Variants in FDFT1 observed in about 807,000 individuals in gnomAD.
FDFT1 encodes farnesyl-diphosphate farnesyltransferase 1.
In FDFT1, 68 loss-of-function variants were observed where a neutral mutation model predicts 46.8. The observed-to-expected ratio is 1.45, with a 90% CI of 1.19 to 1.78. The LOEUF (loss-of-function observed/expected upper bound fraction) is 1.78. Ranked by LOEUF, FDFT1 falls within the 40% of genes most tolerant of loss-of-function variation. FDFT1 has a pLI of 0.00. For missense variants in FDFT1, 928 were observed against 524.4 expected (o/e 1.77, Z -7.52); for synonymous variants, 351 against 185.1 (o/e 1.90, Z -7.28).
intron 5 of FDFT1, among the ~76,000 whole-genome samples, chr8:11,829,371 C>A (rs552072131): frequency 6.6e-6 from 1 of 152,174 alleles, no homozygotes. Flanking sequence ...AGCCGAATCC[C>A]ACTGTTAGAA....
upstream of FDFT1, among the ~76,000 whole-genome samples, chr8:11,799,241 T>C (rs918453051): frequency 2.0e-5 from 3 of 152,218 alleles, no homozygotes; most frequent in East Asian, 1.9e-4. Context: ...GGCGGTCTTA[T>C]CAGGAGAAAG....
upstream of FDFT1, among the ~76,000 whole-genome samples, chr8:11,798,625 G>A (rs142331622): frequency 2.8e-3 from 421 of 152,344 alleles, no homozygotes; most frequent in African/African-American, 9.5e-3. Context: ...GCTATCCACA[G>A]GAGAAGCAGA....
chr8:11,820,523 C>G (rs946051333), intron 3 of FDFT1, among the ~76,000 whole-genome samples: 3 of 152,240 alleles, frequency 2.0e-5, no homozygotes, highest in Non-Finnish European at 2.9e-5. Flanking sequence ...AGCTTCCTTG[C>G]TGCTTTGTTT....
At chr8:11,833,517 T>C (rs73207298) in intron 7 of FDFT1, among the ~76,000 whole-genome samples, 2,049 of 152,374 alleles carry the variant, frequency 0.013, 24 homozygotes, top group Non-Finnish European at 0.02. Flanking sequence ...TTTTAAACAC[T>C]TTGTGGCCAA....
chr8:11,801,907 T>A (rs1345629506), upstream of FDFT1: 1 of 453,210 alleles, frequency 2.2e-6, no homozygotes, highest in African/African-American at 2.0e-5. Context: ...GCCAGGATGG[T>A]CTCGATCTCT....
chr8:11,813,847 G>A (rs1808067604), intron 3 of FDFT1, among the ~76,000 whole-genome samples: 1 of 152,202 alleles, frequency 6.6e-6, no homozygotes, highest in Admixed American at 6.5e-5. Context: ...ACGGCTTATG[G>A]TCGTATCCGG....
chr8:11,808,681 G>T (rs1267161345), intron 1 of FDFT1, 113 bp from the exon 2 acceptor site: 11 of 1,493,048 alleles, frequency 7.4e-6, no homozygotes, highest in East Asian at 2.5e-5. Context: ...CGGGGAGAGG[G>T]CGGCAGGCTG....
chr8:11,820,141 G>A (rs1809018883), intron 3 of FDFT1, among the ~76,000 whole-genome samples: 1 of 152,164 alleles, frequency 6.6e-6, no homozygotes, highest in African/African-American at 2.4e-5. Context: ...GTCCACTCTA[G>A]ACCCTGTTTA....
rs1806407104 is a variant in FDFT1 at position 11,803,457 on chromosome 8, T to G, written c.99+526T>G. On this transcript the variant is annotated intron_variant, in intron 1 of 7. Coordinates refer to ENST00000220584, the MANE Select transcript of FDFT1 (RefSeq NM_004462.5). ...TTCCTGAGTTTTAAAATCGCCTATC[T>G]ACGCTTCCAAGTTCCAATGAGTTAT... is the stretch of plus-strand genomic sequence containing the variant. 1.0e-5 allele frequency: 13 copies of G among 1,278,232 alleles called. 1 individual carries two copies. The South Asian group carries it at 1.6e-4, about 16-fold the overall frequency. 79.2% of individuals were successfully genotyped at this position (1,278,232 alleles called of 1,614,324 possible). A position where few individuals can be genotyped will look rare whatever the true frequency, so the allele number is the denominator to read the frequency against.
chr8:11,812,774 T>G (rs1253461834), intron 3 of FDFT1, among the ~76,000 whole-genome samples: 2 of 152,242 alleles, frequency 1.3e-5, no homozygotes, highest in African/African-American at 4.8e-5. Flanking sequence ...TCCGCCTCGA[T>G]GTACAGTAGA....
chr8:11,822,355 C>T (rs970447451), intron 4 of FDFT1, among the ~76,000 whole-genome samples: 1 of 152,188 alleles, frequency 6.6e-6, no homozygotes, highest in Admixed American at 6.5e-5. Context: ...AAATTAGGAT[C>T]TCCGAAAAGA....
intron 5 of FDFT1, among the ~76,000 whole-genome samples, chr8:11,827,603 T>G (rs1362141192): frequency 6.6e-6 from 1 of 151,376 alleles, no homozygotes; most frequent in African/African-American, 2.4e-5. Context: ...AAAAAAAACT[T>G]CTAAAAGTTA....
At chr8:11,817,040 T>C (rs965232649) in intron 3 of FDFT1, among the ~76,000 whole-genome samples, 2 of 152,210 alleles carry the variant, frequency 1.3e-5, no homozygotes, top group Non-Finnish European at 2.9e-5. Flanking sequence ...TTGAGATGCG[T>C]TCCATCAATA....
intron 3 of FDFT1, among the ~76,000 whole-genome samples, chr8:11,815,871 A>T (rs1166248704): frequency 2.6e-5 from 4 of 152,156 alleles, no homozygotes; most frequent in Admixed American, 2.6e-4. Context: ...CTTTAGTTGA[A>T]TTAGATCCCA....
rs771944702 is a variant in FDFT1, at chr8:11,831,514, C to G, written c.880-4C>G. Reference sequence around the variant, plus strand: ...TTTTTTCCCTCTCTTCTTGTTGTCTCTAGGTGATGGCCATTGCCACTTTGG... The same window carrying G: ...TTTTTTCCCTCTCTTCTTGTTGTCTGTAGGTGATGGCCATTGCCACTTTGG... On this transcript the variant is annotated splice_region_variant and splice_polypyrimidine_tract_variant and intron_variant, in intron 6 of 7. Transcript: ENST00000220584. The G allele has an allele frequency of 2.5e-6, 4 of 1,613,502 alleles. No individual in the cohort carries two copies. The highest frequency in any genetic ancestry group is 2.2e-5 in the South Asian group (2 of 91,044).
chr8:11,829,141 C>T (rs896325063), intron 5 of FDFT1, among the ~76,000 whole-genome samples: 16 of 133,802 alleles, frequency 1.2e-4, no homozygotes, highest in Admixed American at 1.2e-3. Flanking sequence ...CCAGTTTCAC[C>T]AGCACTTGTT....
chr8:11,828,912 G>A (rs895671899), intron 5 of FDFT1, among the ~76,000 whole-genome samples: 5 of 152,136 alleles, frequency 3.3e-5, no homozygotes, highest in African/African-American at 9.7e-5. Flanking sequence ...ATCAGTTGAA[G>A]GATATTTGGG....
At position 11,838,339 on chromosome 8, in the gene FDFT1, A is replaced by G. The variant is rs1264215420; in HGVS notation, c.1033-49A>G. The G allele has an allele frequency of 4.8e-6, 7 of 1,451,584 alleles. No individual in the cohort carries two copies. The Admixed American group carries it at 5.1e-5, about 10-fold the overall frequency. The allele number at this position is 1,451,584 out of a possible 1,614,324, so 89.9% of individuals were successfully genotyped here. ...GGAGGGTTGTTGTAAGTAGCCATGGAAAATGTAAAGCACATAGCACTTATC... is the reference window on the plus strand; with the variant it reads ...GGAGGGTTGTTGTAAGTAGCCATGGGAAATGTAAAGCACATAGCACTTATC... On this transcript the variant is annotated intron_variant, in intron 7 of 7. Transcript: ENST00000220584.
upstream of FDFT1, chr8:11,801,730 G>T: frequency 3.2e-6 from 1 of 313,582 alleles, no homozygotes; most frequent in Non-Finnish European, 6.2e-6. Context: ...GTCTTGCTCT[G>T]TTGGCCTGGC....
Sources: allele counts gnomAD v4.1 joint callset (sites outside exome capture counted in the v4.1 genomes callset), GRCh38; gene constraint gnomAD v4.1.1; transcripts MANE v1.5; gene names NCBI Gene and HGNC (gene_info 2026-07-23, HGNC 2026-07-21).